BANP: variants seen among roughly 807,000 people sequenced by gnomAD.
BANP encodes BTG3 associated nuclear protein, also known as protein BANP.
BANP carries 11 observed loss-of-function variants against 68.1 expected under a neutral mutation model. That is an observed-to-expected ratio of 0.16 (90% CI 0.10 to 0.27). The LOEUF is 0.27. Among genes scored for constraint, BANP ranks in the 10% least tolerant of loss-of-function variants. BANP has a pLI of 1.00. For synonymous variants in BANP, 329 were observed against 303.2 expected (o/e 1.09, Z -0.88); for missense variants, 504 against 722.7 (o/e 0.70, Z 3.47).
chr16:88,049,455 G>A (rs569476511), intron 11 of BANP, among the ~76,000 whole-genome samples: 1 of 152,126 alleles, frequency 6.6e-6, no homozygotes, highest in Non-Finnish European at 1.5e-5. Context: ...CACTGAACCT[G>A]CCCTCTTGGG....
At chr16:87,968,508 T>C (rs1316201188) in intron 1 of BANP, among the ~76,000 whole-genome samples, 1 of 148,364 alleles carries the variant, frequency 6.7e-6, no homozygotes, top group African/African-American at 2.5e-5. Context: ...ATAAGTTTAG[T>C]TTATCCCTTT....
intron 9 of BANP, among the ~76,000 whole-genome samples, chr16:88,034,818 C>G (rs1013994655): frequency 6.6e-6 from 1 of 152,208 alleles, no homozygotes; most frequent in Non-Finnish European, 1.5e-5. Flanking sequence ...AGCAGCCCCC[C>G]CTTACCCATG....
rs901320355 is a variant in BANP, at chr16:87,957,026, C to T, written c.-69+5511C>T. Reference sequence around the variant, plus strand: ...CCTAAGCTGCCAGCAGATGGTGTGCCGAGATACTGTGAAGTCACATGAACT... The same window carrying T: ...CCTAAGCTGCCAGCAGATGGTGTGCTGAGATACTGTGAAGTCACATGAACT... On this transcript the variant is annotated intron_variant, in intron 1 of 13. Coordinates refer to ENST00000682872, the MANE Select transcript of BANP (RefSeq NM_001386991.1). The surrounding 1 kb of genome is among the most constrained non-coding windows in gnomAD (Gnocchi z 4.3). 19 of 152,190 alleles carry T rather than the reference C, an allele frequency of 1.2e-4. No individual in the cohort carries two copies. The highest frequency in any genetic ancestry group is 5.9e-5 in the Non-Finnish European group (4 of 68,062). The allele number at this position is 152,190 out of a possible 1,614,324, so 9.4% of individuals were successfully genotyped here. A position where few individuals can be genotyped will look rare whatever the true frequency, so the allele number is the denominator to read the frequency against.
intron 4 of BANP, among the ~76,000 whole-genome samples, chr16:87,989,007 A>G (rs2065194639): frequency 6.6e-6 from 1 of 152,234 alleles, no homozygotes; most frequent in African/African-American, 2.4e-5. Context: ...TCTGGAACAC[A>G]AGAAGGCAGT....
chr16:88,053,772 A>G (rs1363672346), intron 11 of BANP, among the ~76,000 whole-genome samples: 1 of 147,744 alleles, frequency 6.8e-6, no homozygotes, highest in African/African-American at 2.6e-5. Context: ...TCACCAACAC[A>G]GCCACCCTAA....
chr16:88,039,741 C>G (rs1164857244), intron 11 of BANP, among the ~76,000 whole-genome samples: 3 of 142,722 alleles, frequency 2.1e-5, no homozygotes, highest in African/African-American at 4.9e-5. Context: ...TCAGGAAGGA[C>G]TCGGGGCTGA....
Position 88,004,479 on chromosome 16 carries a change from G to C in BANP, c.479+68G>C. 1 of 913,536 alleles carries C rather than the reference G, an allele frequency of 1.1e-6. No individual in the cohort carries two copies. Among genetic ancestry groups the C allele is most frequent in the Non-Finnish European group, 1.7e-6 (1 of 598,432 alleles). 56.6% of individuals were successfully genotyped at this position (913,536 alleles called of 1,614,324 possible). A position where few individuals can be genotyped will look rare whatever the true frequency, so the allele number is the denominator to read the frequency against. On this transcript the variant is annotated intron_variant, in intron 5 of 13. Coordinates refer to ENST00000682872, the MANE Select transcript of BANP (RefSeq NM_001386991.1). This position sits in a 1 kb window ranked among gnomAD's most constrained non-coding sequence, Gnocchi z 7.0. ...CGGAGTCCCATGAGAATAAGTCAACGTCCCTAAGCCAGGGCACAGTCCAGC... is the reference window on the plus strand; with the variant it reads ...CGGAGTCCCATGAGAATAAGTCAACCTCCCTAAGCCAGGGCACAGTCCAGC...
chr16:88,019,072 C>T (rs2075270713), intron 7 of BANP, among the ~76,000 whole-genome samples: 1 of 152,298 alleles, frequency 6.6e-6, no homozygotes, highest in Admixed American at 6.5e-5. Flanking sequence ...CACCTGCCTC[C>T]TTCCTTCTGA....
Position 87,981,113 on chromosome 16 carries a change from G to C in BANP, c.148G>C (p.Asp50His). 6.2e-7 allele frequency: 1 copy of C among 1,613,922 alleles called. No homozygotes were observed. Residue 50 changes from aspartate to histidine, a missense_variant, in exon 3 of 14, where the codon GAT becomes CAT. Around this residue, in one of 3 missense-constraint regions of BANP, gnomAD observed 238 missense variants for 278.9 expected, o/e 0.85. Coordinates refer to ENST00000682872, the MANE Select transcript of BANP (RefSeq NM_001386991.1). ...KRQRLEINCQ[D>H]PSIKSFLYSI... ...CCAGCGACTAGAAATCAATTGCCAGGATCCATCTATAAAGGTAAAAATCTG... is the reference window on the plus strand; with the variant it reads ...CCAGCGACTAGAAATCAATTGCCAGCATCCATCTATAAAGGTAAAAATCTG...
intron 4 of BANP, among the ~76,000 whole-genome samples, chr16:88,001,088 A>G (rs11863976): frequency 0.42 from 9,787 of 23,098 alleles, 267 homozygotes; most frequent in Non-Finnish European, 0.49. Context: ...ACGCACTTGC[A>G]CGGCTGTACT....
chr16:88,047,701 G>C (rs745918030), intron 11 of BANP, among the ~76,000 whole-genome samples: 23 of 152,150 alleles, frequency 1.5e-4, no homozygotes, highest in Non-Finnish European at 1.3e-4. Flanking sequence ...CAGAACAGCT[G>C]TTCTCCCCAC....
In BANP at chr16:88,006,078, T is replaced by C. The variant is rs778845265; in HGVS notation, c.480-12T>C. The stretch of plus-strand genomic sequence containing the variant: ...TACCACATCGGGCTGGTGTGTTTTT[T>C]TTCCCGTTTAGCGCTGTGCCTGGGC... On this transcript the variant is annotated splice_polypyrimidine_tract_variant and intron_variant, in intron 5 of 13. Coordinates refer to ENST00000682872, the MANE Select transcript of BANP (RefSeq NM_001386991.1). 37 of 1,613,538 alleles carry C rather than the reference T, an allele frequency of 2.3e-5. No homozygotes were observed. Among genetic ancestry groups the C allele is most frequent in the Non-Finnish European group, 3.1e-5 (36 of 1,179,868 alleles).
chr16:88,027,770 A>G, intron 8 of BANP, 120 bp downstream of exon 8: 1 of 1,254,282 alleles, frequency 8.0e-7, no homozygotes, highest in Non-Finnish European at 1.1e-6. Flanking sequence ...AGCCGAGGCC[A>G]GAGGCTTGCG....
At chr16:87,960,170 C>G (rs769757157) in intron 1 of BANP, among the ~76,000 whole-genome samples, 3 of 152,198 alleles carry the variant, frequency 2.0e-5, no homozygotes, top group African/African-American at 7.2e-5. Context: ...AGAGGCCCCG[C>G]GGACCGTGAG....
intron 4 of BANP, among the ~76,000 whole-genome samples, chr16:87,998,565 CACG>C (rs2067946389): frequency 4.6e-5 from 3 of 65,634 alleles, no homozygotes; most frequent in Non-Finnish European, 1.1e-4. Flanking sequence ...TCCATGCACG[CACG>C]TGCGCGGCTG....
chr16:88,046,473 G>A (rs1429428967), intron 11 of BANP, among the ~76,000 whole-genome samples: 1 of 152,194 alleles, frequency 6.6e-6, no homozygotes, highest in African/African-American at 2.4e-5. Context: ...ATCTTAGGGA[G>A]CTGTGAGCTC....
At chr16:88,074,198 A>G (rs561354257) in intron 13 of BANP, among the ~76,000 whole-genome samples, 1 of 147,686 alleles carries the variant, frequency 6.8e-6, no homozygotes, top group South Asian at 2.1e-4. Context: ...GAGCCTCCTT[A>G]TCCACATGAA....
intron 1 of BANP, among the ~76,000 whole-genome samples, chr16:87,968,465 C>G (rs898266405): frequency 8.0e-6 from 1 of 124,994 alleles, no homozygotes; most frequent in Admixed American, 9.4e-5. Flanking sequence ...GCCTGGGCAA[C>G]AAGAGTGAAA....
At chr16:87,976,750 T>C (rs1027473137) in intron 2 of BANP, among the ~76,000 whole-genome samples, 1 of 152,116 alleles carries the variant, frequency 6.6e-6, no homozygotes, top group Non-Finnish European at 1.5e-5. Flanking sequence ...GGGAGGGCAG[T>C]AGAAATAGTT....
Sources: allele counts gnomAD v4.1 joint callset (sites outside exome capture counted in the v4.1 genomes callset), GRCh38; gene constraint gnomAD v4.1.1; regional missense constraint gnomAD v4.1.1; non-coding constraint Gnocchi (gnomAD v3.1); transcripts MANE v1.5; gene names NCBI Gene and HGNC (gene_info 2026-07-23, HGNC 2026-07-21).